PLXDC2: variants seen among roughly 807,000 people sequenced by gnomAD.
The protein encoded by PLXDC2 is plexin domain-containing protein 2.
In PLXDC2, 40 loss-of-function variants were observed where a neutral mutation model predicts 68.9. The ratio of observed to expected loss-of-function variants is 0.58; its 90% CI spans 0.45 to 0.76. PLXDC2 has a LOEUF of 0.76. Among genes scored for constraint, PLXDC2 ranks in the 30% least tolerant of loss-of-function variants. The probability of loss-of-function intolerance (pLI) is 0.00; values close to 1 mark genes in which losing one functional copy is unlikely to be tolerated. For missense variants in PLXDC2, 644 were observed against 661.9 expected (o/e 0.97, Z 0.30); for synonymous variants, 243 against 234.2 (o/e 1.04, Z -0.34).
intron 4 of PLXDC2, among the ~76,000 whole-genome samples, chr10:20,073,065 G>A (rs1199318920): frequency 1.3e-5 from 2 of 152,150 alleles, no homozygotes; most frequent in Non-Finnish European, 2.9e-5. Flanking sequence ...ATAGACCTGG[G>A]CTGGGAGTTT....
chr10:19,877,483 A>T (rs983121871), intron 1 of PLXDC2, among the ~76,000 whole-genome samples: 1 of 152,226 alleles, frequency 6.6e-6, no homozygotes, highest in Non-Finnish European at 1.5e-5. Flanking sequence ...AGATATGACT[A>T]TGTGACTAAG....
intron 1 of PLXDC2, among the ~76,000 whole-genome samples, chr10:19,933,829 G>A (rs1291732890): frequency 7.8e-6 from 1 of 128,150 alleles, no homozygotes; most frequent in Non-Finnish European, 1.6e-5. Flanking sequence ...AAGGAGGGAA[G>A]GAAGGAAGGA....
At chr10:19,839,965 A>G (rs333691) in intron 1 of PLXDC2, among the ~76,000 whole-genome samples, 40,141 of 152,090 alleles carry the variant, frequency 0.26, 6,101 homozygotes, top group East Asian at 0.46. Context: ...AGAATTTTTT[A>G]AATCACTTCT....
Position 20,284,404 on chromosome 10 carries a change from A to G in PLXDC2, c.*4585A>G, listed in dbSNP as rs1246181455. The G allele has an allele frequency of 2.0e-5, 2 of 101,314 alleles. No individual in the cohort carries two copies. The highest frequency in any genetic ancestry group is 4.3e-5 in the African/African-American group (1 of 23,132). The allele number at this position is 101,314 out of a possible 1,614,324, so 6.3% of individuals were successfully genotyped here. On this transcript the variant is annotated 3_prime_UTR_variant, in exon 14 of 14. Coordinates refer to ENST00000377252, the MANE Select transcript of PLXDC2 (RefSeq NM_032812.9). ...TGTATATTTGATAGAGATGATAGCAATTATGTGTGTGTGTGTGTGTGTGTG... is the reference window on the plus strand; with the variant it reads ...TGTATATTTGATAGAGATGATAGCAGTTATGTGTGTGTGTGTGTGTGTGTG...
At position 20,046,987 on chromosome 10, in the gene PLXDC2, T is replaced by C. The variant is rs749555803; in HGVS notation, c.443T>C (p.Ile148Thr). ...MEKDKVKIHG[I>T]LSNTHRQAAR... ...AAAGATAAAGTGAAGATTCATGGAA[T>C]ATTGTCCAATACTCATCGGCAAGCT... Residue 148 changes from isoleucine to threonine, a missense_variant, in exon 3 of 14, where the codon ATA becomes ACA. Around this residue, in one of 3 missense-constraint regions of PLXDC2, gnomAD observed 113 missense variants for 167.1 expected, o/e 0.68. Transcript: ENST00000377252. 6.2e-7 allele frequency: 1 copy of C among 1,611,818 alleles called. No individual in the cohort carries two copies. Among genetic ancestry groups the C allele is most frequent in the East Asian group, 2.2e-5 (1 of 44,774 alleles).
At chr10:20,266,363 GAA>G (rs76205538) in intron 13 of PLXDC2, among the ~76,000 whole-genome samples, 5 of 128,666 alleles carry the variant, frequency 3.9e-5, no homozygotes, top group African/African-American at 5.7e-5. Flanking sequence ...AATTGTTGGG[GAA>G]AAAAAAAAAA....
chr10:19,993,093 C>G (rs1202870454), intron 1 of PLXDC2, among the ~76,000 whole-genome samples: 2 of 152,150 alleles, frequency 1.3e-5, no homozygotes, highest in African/African-American at 4.8e-5. Flanking sequence ...CAAGCCCAAG[C>G]CCATTACTAA....
intron 1 of PLXDC2, among the ~76,000 whole-genome samples, chr10:19,854,232 T>C (rs1278068370): frequency 2.0e-5 from 3 of 152,230 alleles, no homozygotes; most frequent in Non-Finnish European, 4.4e-5. Context: ...GGACATCATA[T>C]AAACTGTGTT....
At chr10:20,081,671 T>C (rs1836561076) in intron 4 of PLXDC2, among the ~76,000 whole-genome samples, 1 of 152,068 alleles carries the variant, frequency 6.6e-6, no homozygotes, top group East Asian at 1.9e-4. Context: ...AAACTTTAAA[T>C]AAACCAGATA....
chr10:20,271,004 A>G (rs965188123), intron 13 of PLXDC2, among the ~76,000 whole-genome samples: 2 of 151,958 alleles, frequency 1.3e-5, no homozygotes, highest in Middle Eastern at 3.2e-3. Flanking sequence ...GTGAGAAAAT[A>G]TGGAACTAGT....
At chr10:20,206,132 C>G (rs1834987922) in intron 9 of PLXDC2, among the ~76,000 whole-genome samples, 1 of 151,738 alleles carries the variant, frequency 6.6e-6, no homozygotes, top group African/African-American at 2.4e-5. Context: ...CACACTGTAC[C>G]TCATAAATGT....
chr10:20,181,306 C>A (rs996130197), intron 9 of PLXDC2, among the ~76,000 whole-genome samples: 1 of 152,006 alleles, frequency 6.6e-6, no homozygotes, highest in African/African-American at 2.4e-5. Flanking sequence ...GAATGCATAA[C>A]ACATGTCAGG....
In PLXDC2 at chr10:20,286,352, C is replaced by A. The variant is rs1211362824; in HGVS notation, c.*6533C>A. 6.6e-6 allele frequency: 1 copy of A among 152,068 alleles called. No homozygotes were observed. The highest frequency in any genetic ancestry group is 1.5e-5 in the Non-Finnish European group (1 of 68,016). 9.4% of individuals were successfully genotyped at this position (152,068 alleles called of 1,614,324 possible). A position where few individuals can be genotyped will look rare whatever the true frequency, so the allele number is the denominator to read the frequency against. On this transcript the variant is annotated 3_prime_UTR_variant, in exon 14 of 14. Transcript: ENST00000377252. ...CATTTGCAAATTACTCAATAAATGT[C>A]TTTCATAATGGAATAACATAAAAGC... is the stretch of plus-strand genomic sequence containing the variant.
chr10:20,059,406 TATG>T (rs1228537961), intron 3 of PLXDC2, among the ~76,000 whole-genome samples: 1 of 152,208 alleles, frequency 6.6e-6, no homozygotes, highest in Non-Finnish European at 1.5e-5. Context: ...GGTCAAAAGA[TATG>T]GTGATTGTTC....
intron 1 of PLXDC2, among the ~76,000 whole-genome samples, chr10:19,843,244 A>G (rs1439921220): frequency 1.3e-5 from 2 of 150,658 alleles, no homozygotes; most frequent in Non-Finnish European, 3.0e-5. Flanking sequence ...CTGCATTTTA[A>G]AAGATAAATG....
intron 1 of PLXDC2, among the ~76,000 whole-genome samples, chr10:19,951,104 A>G (rs1290649699): frequency 6.6e-6 from 1 of 152,208 alleles, no homozygotes; most frequent in Non-Finnish European, 1.5e-5. Context: ...ATTTATGACT[A>G]AGTCCTCAGA....
rs971807729 is a variant in PLXDC2, at chr10:20,288,678, C to T, written c.*8859C>T. On this transcript the variant is annotated 3_prime_UTR_variant, in exon 14 of 14. Transcript: ENST00000377252. ...TCCATCTTTTACCTGGGGATTATTACAATTGCAATAAGTCATTAATGTTTT... is the reference window on the plus strand; with the variant it reads ...TCCATCTTTTACCTGGGGATTATTATAATTGCAATAAGTCATTAATGTTTT... 5.3e-5 allele frequency: 8 copies of T among 152,176 alleles called. No homozygotes were observed. The highest frequency in any genetic ancestry group is 1.9e-4 in the East Asian group (1 of 5,192). 9.4% of individuals were successfully genotyped at this position (152,176 alleles called of 1,614,324 possible). A position where few individuals can be genotyped will look rare whatever the true frequency, so the allele number is the denominator to read the frequency against.
chr10:19,870,945 C>T (rs11598559), intron 1 of PLXDC2, among the ~76,000 whole-genome samples: 13,211 of 152,166 alleles, frequency 0.087, 699 homozygotes, highest in Non-Finnish European at 0.12. Context: ...CGATTATCTC[C>T]TTTATACAGA....
At chr10:19,827,925 A>T (rs1420392729) in intron 1 of PLXDC2, among the ~76,000 whole-genome samples, 3 of 152,194 alleles carry the variant, frequency 2.0e-5, no homozygotes, top group Non-Finnish European at 2.9e-5. Flanking sequence ...AAATTTCCAG[A>T]TGGAGAGCTG....
Sources: gnomAD v4.1 joint callset for allele counts (sites outside exome capture counted in the v4.1 genomes callset) on GRCh38, gnomAD v4.1.1 for gene constraint, gnomAD v4.1.1 regional missense constraint, MANE v1.5 for transcripts, NCBI Gene and HGNC (gene_info 2026-07-23, HGNC 2026-07-21) for gene names.